Variants in MYT1L observed in about 807,000 individuals in gnomAD.
MYT1L encodes myelin transcription factor 1 like, also known as myelin transcription factor 1-like protein.
Under a neutral mutation model 126.7 loss-of-function variants are expected in MYT1L, and 12 were observed. The observed-to-expected ratio is 0.09, with a 90% CI of 0.06 to 0.15. The LOEUF is 0.15. MYT1L is among the 10% of genes least tolerant of loss of function. The pLI, the probability that MYT1L is intolerant of heterozygous loss-of-function variation, is 1.00. For synonymous variants in MYT1L, 541 were observed against 604.2 expected, an observed-to-expected ratio of 0.90 and a Z score of 1.53; for missense variants, 979 against 1,585.2, an observed-to-expected ratio of 0.62 and a Z score of 6.49.
In MYT1L at chr2:2,122,872, T is replaced by TGTGTGTGTGTGTGTGAGA. The variant is rs553951630; in HGVS notation, c.-304+49999_-304+50000insTCTCACACACACACACAC. Among the ~76,000 whole-genome samples, 1,072 of 132,868 alleles carry TGTGTGTGTGTGTGTGAGA rather than the reference T, an allele frequency of 8.1e-3. 6 individuals are homozygous for TGTGTGTGTGTGTGTGAGA. Among genetic ancestry groups the TGTGTGTGTGTGTGTGAGA allele is most frequent in the African/African-American group, 0.015 (508 of 33,720 alleles). 87.2% of individuals were successfully genotyped at this position (132,868 alleles called of 152,430 possible). A position where few individuals can be genotyped will look rare whatever the true frequency, so the allele number is the denominator to read the frequency against. On this transcript the variant is annotated intron_variant, in intron 3 of 24. Coordinates refer to ENST00000647738, the MANE Select transcript of MYT1L (RefSeq NM_001303052.2). ...GTGTGTGTGTGTGTGTGTGTGTGTGTGAGAGAGAGAGAGAGAGAGACCAAT... is the reference window on the plus strand; with the variant it reads ...GTGTGTGTGTGTGTGTGTGTGTGTGTGTGTGTGTGTGTGTGAGAGAGAGAGAGAGAGAGAGAGACCAAT...
chr2:1,994,448 G>A (rs2061677934), intron 5 of MYT1L, among the ~76,000 whole-genome samples: 1 of 152,146 alleles, frequency 6.6e-6, no homozygotes, highest in Non-Finnish European at 1.5e-5. Context: ...CTCCCAGCGA[G>A]TCCTCCTGGG....
chr2:2,055,598 G>A (rs1028514786), intron 3 of MYT1L, among the ~76,000 whole-genome samples: 4 of 152,076 alleles, frequency 2.6e-5, no homozygotes, highest in Admixed American at 6.6e-5. Context: ...AAAAATGCAA[G>A]TTAATTCTCA....
intron 3 of MYT1L, among the ~76,000 whole-genome samples, chr2:2,091,413 G>A (rs2076910828): frequency 1.3e-5 from 2 of 152,188 alleles, no homozygotes; most frequent in Non-Finnish European, 1.5e-5. Flanking sequence ...TAGGCTTGAA[G>A]TATTTAGTAA....
At chr2:1,923,916 T>C (rs546596692) in intron 9 of MYT1L, among the ~76,000 whole-genome samples, 1 of 152,222 alleles carries the variant, frequency 6.6e-6, no homozygotes, top group Non-Finnish European at 1.5e-5. Context: ...AGAAATTCCA[T>C]AGTAAATGTT....
chr2:2,148,750 G>A (rs895566710), intron 3 of MYT1L, among the ~76,000 whole-genome samples: 1 of 152,136 alleles, frequency 6.6e-6, no homozygotes, highest in Non-Finnish European at 1.5e-5. Context: ...AACATGAACA[G>A]GTTTCTCCAC....
chr2:1,923,352 G>A (rs768672542), intron 9 of MYT1L, 89 bp from the exon 10 acceptor site: 116 of 1,091,394 alleles, frequency 1.1e-4, no homozygotes, highest in Non-Finnish European at 1.4e-4. Flanking sequence ...TGGATAGCAC[G>A]TTAACTGCAA....
intron 3 of MYT1L, among the ~76,000 whole-genome samples, chr2:2,071,667 T>C (rs564984730): frequency 1.3e-5 from 2 of 152,346 alleles, no homozygotes; most frequent in African/African-American, 4.8e-5. Flanking sequence ...ATTTGAACTT[T>C]GTCCTAATGA....
chr2:2,185,886 G>C (rs1572258650), intron 2 of MYT1L, among the ~76,000 whole-genome samples: 1 of 119,904 alleles, frequency 8.3e-6, no homozygotes, highest in African/African-American at 3.6e-5. Flanking sequence ...TTACGTGAGG[G>C]GGACGCAGCC....
At chr2:1,950,699 G>A (rs181545874) in intron 8 of MYT1L, among the ~76,000 whole-genome samples, 2 of 152,226 alleles carry the variant, frequency 1.3e-5, no homozygotes, top group African/African-American at 2.4e-5. Flanking sequence ...ATGGGCAGGA[G>A]GTGGTCAGAG....
chr2:1,925,756 G>A (rs1039830833), intron 9 of MYT1L, among the ~76,000 whole-genome samples: 3 of 152,114 alleles, frequency 2.0e-5, no homozygotes, highest in African/African-American at 4.8e-5. Flanking sequence ...TCCTCATACC[G>A]CATTGATATG....
chr2:2,309,046 A>G (rs1470635338), intron 1 of MYT1L, among the ~76,000 whole-genome samples: 1 of 151,808 alleles, frequency 6.6e-6, no homozygotes, highest in Non-Finnish European at 1.5e-5. Flanking sequence ...CATTCTATGT[A>G]GACCTCACCT....
chr2:2,092,079 T>C (rs1298764472), intron 3 of MYT1L, among the ~76,000 whole-genome samples: 2 of 152,268 alleles, frequency 1.3e-5, no homozygotes, highest in Non-Finnish European at 2.9e-5. Flanking sequence ...CATTCAAGAA[T>C]ATTTTCTTTG....
chr2:2,242,997 G>A (rs923278730), intron 2 of MYT1L, among the ~76,000 whole-genome samples: 1 of 152,168 alleles, frequency 6.6e-6, no homozygotes, highest in Admixed American at 6.5e-5. Context: ...TAGGAAGGGT[G>A]CAGGGTTCAG....
chr2:1,816,682 T>C (rs1028630709), intron 21 of MYT1L: 3 of 152,760 alleles, frequency 2.0e-5, no homozygotes, highest in African/African-American at 7.2e-5. Context: ...TTGACTTGAC[T>C]TCAGGGAAAC....
intron 5 of MYT1L, among the ~76,000 whole-genome samples, chr2:1,980,651 A>G (rs1378429810): frequency 2.6e-5 from 4 of 152,216 alleles, no homozygotes; most frequent in Non-Finnish European, 5.9e-5. Flanking sequence ...CCTATTTAAT[A>G]CATGAGAAAA....
At chr2:2,072,607 G>C (rs1030590821) in intron 3 of MYT1L, among the ~76,000 whole-genome samples, 1 of 152,140 alleles carries the variant, frequency 6.6e-6, no homozygotes. Context: ...ATATGGTTTG[G>C]CTCTGTGTCC....
intron 3 of MYT1L, among the ~76,000 whole-genome samples, chr2:2,118,207 A>G (rs1159822113): frequency 6.6e-6 from 1 of 151,922 alleles, no homozygotes; most frequent in Non-Finnish European, 1.5e-5. Context: ...ATAGGATGGA[A>G]TCAAATGAAG....
chr2:2,174,581 G>A (rs1572136773), intron 2 of MYT1L, among the ~76,000 whole-genome samples: 2 of 150,582 alleles, frequency 1.3e-5, no homozygotes, highest in South Asian at 4.1e-4. Flanking sequence ...CCCAGACAAC[G>A]CAGTTTGATG....
chr2:1,861,458 G>A (rs1020206076), intron 18 of MYT1L, among the ~76,000 whole-genome samples: 4 of 151,426 alleles, frequency 2.6e-5, no homozygotes, highest in African/African-American at 7.3e-5. Flanking sequence ...CTTTACATTC[G>A]TGTTATTTTT....
Sources: gnomAD v4.1 joint callset for allele counts (sites outside exome capture counted in the v4.1 genomes callset) on GRCh38, gnomAD v4.1.1 for gene constraint, MANE v1.5 for transcripts, NCBI Gene and HGNC (gene_info 2026-07-23, HGNC 2026-07-21) for gene names.